Variants in SORCS3 observed in about 807,000 individuals in gnomAD.
SORCS3 encodes sortilin related VPS10 domain containing receptor 3.
In SORCS3, 57 loss-of-function variants were observed where a neutral mutation model predicts 146.3. The observed-to-expected ratio is 0.39, with a 90% confidence interval of 0.31 to 0.49. SORCS3 has a LOEUF of 0.49. Among genes scored for constraint, SORCS3 ranks in the 20% least tolerant of loss-of-function variants. The pLI, the probability that SORCS3 is intolerant of heterozygous loss-of-function variation, is 0.92. For synonymous variants in SORCS3, 653 were observed against 618.5 expected, an observed-to-expected ratio of 1.06 and a Z score of -0.83; for missense variants, 1,341 against 1,575.5, an observed-to-expected ratio of 0.85 and a Z score of 2.52.
chr10:104,806,515 C>T lies in SORCS3; in HGVS notation c.628-36277C>T, dbSNP rs114532661. ...CCAAAGCCACAACATTGTTTATTAC[C>T]TTTGACTAAGTAATATTACACCTTG... On this transcript the variant is annotated intron_variant, in intron 1 of 26. Coordinates refer to ENST00000369701, the MANE Select transcript of SORCS3 (RefSeq NM_014978.3). Among the ~76,000 whole-genome samples, 106 of 152,272 alleles carry T rather than the reference C, an allele frequency of 7.0e-4. 1 individual carries two copies. Among genetic ancestry groups the T allele is most frequent in the African/African-American group, 2.5e-3 (103 of 41,546 alleles).
intron 16 of SORCS3, among the ~76,000 whole-genome samples, chr10:105,208,847 G>A (rs1043504896): frequency 3.3e-5 from 5 of 152,094 alleles, no homozygotes; most frequent in Non-Finnish European, 7.4e-5. Context: ...GAGTCCATAC[G>A]AACTGTCAGA....
chr10:104,842,771 CT>C lies in SORCS3; in HGVS notation c.628-19del, dbSNP rs756639371. 1.2e-6 allele frequency: 2 copies of C among 1,608,950 alleles called. No homozygotes were observed. The highest frequency in any genetic ancestry group is 1.7e-6 in the Non-Finnish European group (2 of 1,175,508). ...CCTCCCTTTGTTCCTCTCCTTTGCC[CT>C]TATCCCCAACCCCTTGCAGGTCATA... On this transcript the variant is annotated intron_variant, in intron 1 of 26. Transcript: ENST00000369701.
intron 7 of SORCS3, among the ~76,000 whole-genome samples, chr10:105,122,497 A>G (rs2055940703): frequency 6.6e-6 from 1 of 152,178 alleles, no homozygotes; most frequent in Non-Finnish European, 1.5e-5. Flanking sequence ...TCTCTGTGAC[A>G]GAGGTATTGA....
At chr10:104,816,528 A>G (rs1053349632) in intron 1 of SORCS3, among the ~76,000 whole-genome samples, 1 of 152,192 alleles carries the variant, frequency 6.6e-6, no homozygotes, top group Admixed American at 6.5e-5. Flanking sequence ...GTCCTGCAGC[A>G]TATTTTCACA....
intron 1 of SORCS3, among the ~76,000 whole-genome samples, chr10:104,723,756 T>G (rs985907049): frequency 2.6e-5 from 4 of 152,258 alleles, no homozygotes; most frequent in Non-Finnish European, 5.9e-5. Flanking sequence ...TTTTGATCTT[T>G]GTTGTTTTGA....
chr10:104,666,653 TG>T (rs2015781696), intron 1 of SORCS3, among the ~76,000 whole-genome samples: 1 of 152,208 alleles, frequency 6.6e-6, no homozygotes, highest in African/African-American at 2.4e-5. Context: ...TTGCCCAGAC[TG>T]GAGTGCAGTG....
chr10:104,769,604 T>C (rs2017223591), intron 1 of SORCS3, among the ~76,000 whole-genome samples: 1 of 151,998 alleles, frequency 6.6e-6, no homozygotes, highest in African/African-American at 2.4e-5. Context: ...GAGGGGGGAA[T>C]TTTCAAGACT....
At chr10:104,715,813 T>C (rs2016469596) in intron 1 of SORCS3, among the ~76,000 whole-genome samples, 1 of 152,192 alleles carries the variant, frequency 6.6e-6, no homozygotes, top group South Asian at 2.1e-4. Flanking sequence ...TGCAGTAGCC[T>C]TAGATCTATT....
Position 105,200,035 on chromosome 10 carries a change from A to G in SORCS3, c.2046A>G (p.Gln682=). The G allele has an allele frequency of 2.5e-6, 4 of 1,613,680 alleles. No individual in the cohort carries two copies. Among genetic ancestry groups the G allele is most frequent in the Non-Finnish European group, 2.5e-6 (3 of 1,179,678 alleles). ...FGHFSLRSEW[Q]LVKVDYKSIF... ...ACTTCAGCCTCCGCTCCGAATGGCA[A>G]TTGGTGAAAGTGGACTACAAATCTA... is the stretch of plus-strand genomic sequence containing the variant. Residue 682 remains glutamine (Q), a synonymous_variant, in exon 15 of 27, where the codon CAA becomes CAG. Coordinates refer to ENST00000369701, the MANE Select transcript of SORCS3 (RefSeq NM_014978.3).
chr10:104,658,364 A>G (rs187265860), intron 1 of SORCS3, among the ~76,000 whole-genome samples: 169 of 152,304 alleles, frequency 1.1e-3, no homozygotes, highest in Middle Eastern at 3.4e-3. Flanking sequence ...GCATGCTTCT[A>G]AGCAGAGCTG....
rs1038960281 is a variant in SORCS3, at chr10:104,780,085, C to T, written c.628-62707C>T. On this transcript the variant is annotated intron_variant, in intron 1 of 26. Coordinates refer to ENST00000369701, the MANE Select transcript of SORCS3 (RefSeq NM_014978.3). The stretch of plus-strand genomic sequence containing the variant: ...AGGGGTGACGGGTGGTACAAATAAT[C>T]GAATTGGCTGCACTTGTGAAGGATT... Among the ~76,000 whole-genome samples the T allele has an allele frequency of 1.0e-4, 15 of 148,884 alleles. No homozygotes were observed. The South Asian group carries it at 1.5e-3, about 15-fold the overall frequency.
At chr10:105,196,046 C>A (rs1372934957) in intron 14 of SORCS3, among the ~76,000 whole-genome samples, 2 of 133,448 alleles carry the variant, frequency 1.5e-5, no homozygotes, top group African/African-American at 5.6e-5. Context: ...CAAAACAGAA[C>A]AATCGAACAA....
intron 3 of SORCS3, among the ~76,000 whole-genome samples, chr10:104,976,792 A>G (rs1232547076): frequency 6.6e-6 from 1 of 152,182 alleles, no homozygotes; most frequent in Non-Finnish European, 1.5e-5. Context: ...CATCATTCTC[A>G]GTGAACTATT....
At chr10:105,244,835 G>C (rs1245877685) in intron 20 of SORCS3, among the ~76,000 whole-genome samples, 1 of 152,098 alleles carries the variant, frequency 6.6e-6, no homozygotes, top group Admixed American at 6.6e-5. Flanking sequence ...TTGGGAGACT[G>C]AGGTGGGTGG....
intron 22 of SORCS3, among the ~76,000 whole-genome samples, chr10:105,250,502 T>C (rs1480972767): frequency 1.3e-5 from 2 of 152,192 alleles, no homozygotes; most frequent in African/African-American, 4.8e-5. Context: ...TAAATGAATC[T>C]GTATACACTG....
At chr10:105,141,496 G>A (rs925277355) in intron 8 of SORCS3, among the ~76,000 whole-genome samples, 4 of 152,158 alleles carry the variant, frequency 2.6e-5, no homozygotes. Context: ...TGCCGTGGAT[G>A]CTTTTAGGTG....
At chr10:105,127,271 G>A (rs887197767) in intron 7 of SORCS3, among the ~76,000 whole-genome samples, 36 of 152,008 alleles carry the variant, frequency 2.4e-4, no homozygotes, top group African/African-American at 8.5e-4. Context: ...TGTCAACCAC[G>A]CAAAGGAGTA....
rs1209119693 is a variant in SORCS3, at chr10:105,201,234, G to A, written c.2242G>A (p.Ala748Thr). ...GSVVSEPCVC[A>T]NWDFECDYGY... The stretch of plus-strand genomic sequence containing the variant: ...AGTGGTCTCAGAACCCTGTGTCTGT[G>A]CCAATTGGGACTTCGAGTGGTGAGT... Residue 748 changes from alanine (A) to threonine (T), a missense_variant, in exon 16 of 27, where the codon GCC (alanine) becomes ACC (threonine). Ala to Thr is a moderately conservative substitution (Grantham distance 58, BLOSUM62 0). Transcript: ENST00000369701. 9.3e-6 allele frequency: 15 copies of A among 1,608,524 alleles called. No homozygotes were observed. The highest frequency in any genetic ancestry group is 1.0e-5 in the Non-Finnish European group (12 of 1,177,956).
intron 20 of SORCS3, among the ~76,000 whole-genome samples, chr10:105,243,429 T>C (rs1459919713): frequency 6.6e-6 from 1 of 152,204 alleles, no homozygotes; most frequent in East Asian, 1.9e-4. Flanking sequence ...TGATATTCCC[T>C]TATTCCATGG....
Sources: allele counts gnomAD v4.1 joint callset (sites outside exome capture counted in the v4.1 genomes callset), GRCh38; gene constraint gnomAD v4.1.1; transcripts MANE v1.5; gene names NCBI Gene and HGNC (gene_info 2026-07-23, HGNC 2026-07-21).